WDHD1: variants seen among roughly 807,000 people sequenced by gnomAD.
WDHD1 encodes the protein WD repeat and HMG-box DNA-binding protein 1.
In WDHD1, 111 loss-of-function variants were observed where a neutral mutation model predicts 135.4. The ratio of observed to expected loss-of-function variants is 0.82; its 90% CI spans 0.70 to 0.96. WDHD1 has a LOEUF of 0.96. Ranked by LOEUF, WDHD1 falls within the 40% of genes least tolerant of loss-of-function variation. WDHD1 has a pLI of 0.00. For synonymous variants in WDHD1, 434 were observed against 439.0 expected, an observed-to-expected ratio of 0.99 and a Z score of 0.14; for missense variants, 1,351 against 1,336.3, an observed-to-expected ratio of 1.01 and a Z score of -0.17.
chr14:54,951,316 A>G (rs1329172968), intron 24 of WDHD1, among the ~76,000 whole-genome samples: 1 of 152,092 alleles, frequency 6.6e-6, no homozygotes, highest in Non-Finnish European at 1.5e-5. Flanking sequence ...TAAAGGGGAT[A>G]TCACCACTGA....
chr14:55,014,204 C>G (rs2042223328), intron 2 of WDHD1, among the ~76,000 whole-genome samples: 1 of 152,194 alleles, frequency 6.6e-6, no homozygotes, highest in Non-Finnish European at 1.5e-5. Flanking sequence ...AGTGATCAAA[C>G]CACTTCAGCT....
At chr14:55,021,465 G>A (rs1041393498) in intron 2 of WDHD1, among the ~76,000 whole-genome samples, 4 of 151,564 alleles carry the variant, frequency 2.6e-5, no homozygotes, top group East Asian at 1.9e-4. Context: ...AATGTGCAGC[G>A]GCACAATCTC....
At chr14:54,946,733 T>C (rs1003484904) in intron 24 of WDHD1, among the ~76,000 whole-genome samples, 4 of 152,164 alleles carry the variant, frequency 2.6e-5, no homozygotes, top group Non-Finnish European at 1.5e-5. Context: ...AGCTAACTGA[T>C]CATGTTGGCC....
chr14:55,016,063 T>C (rs1163900507), intron 2 of WDHD1, among the ~76,000 whole-genome samples: 6 of 152,234 alleles, frequency 3.9e-5, no homozygotes, highest in African/African-American at 1.4e-4. Context: ...CAGGTGCCAG[T>C]TGGTGGGACC....
At position 54,966,495 on chromosome 14, in the gene WDHD1, G is replaced by C. The variant is rs1197233485; in HGVS notation, c.2290C>G (p.Leu764Val). 1.2e-6 allele frequency: 2 copies of C among 1,600,558 alleles called. No homozygotes were observed. The highest frequency in any genetic ancestry group is 1.7e-6 in the Non-Finnish European group (2 of 1,177,160). The change falls in exon 18 of 26, where the codon CTT (leucine) becomes GTT (valine). Residue 764 changes from leucine to valine, a missense_variant. By Grantham distance (32) the Leu-to-Val change is conservative. Coordinates refer to ENST00000360586, the MANE Select transcript of WDHD1 (RefSeq NM_007086.4). ...KNQATKEQQE[L>V]LMKMLALSCK... ...CTCACCGCAAGCATTTTCATTAAAA[G>C]TTCCTGTTGCTCTTTTGTTGCTTGA...
chr14:55,024,607 C>A (rs562639741), intron 2 of WDHD1, among the ~76,000 whole-genome samples: 17 of 152,010 alleles, frequency 1.1e-4, no homozygotes, highest in East Asian at 7.8e-4. Flanking sequence ...AAGAAGTAGA[C>A]ATAAGAGACT....
intron 24 of WDHD1, among the ~76,000 whole-genome samples, chr14:54,944,854 C>T (rs994550071): frequency 2.6e-5 from 4 of 152,016 alleles, no homozygotes; most frequent in East Asian, 1.9e-4. Context: ...GTGATCTGCC[C>T]GCCTCGGCTT....
intron 12 of WDHD1, among the ~76,000 whole-genome samples, chr14:54,989,929 G>GTTTCTT: frequency 6.6e-6 from 1 of 152,134 alleles, no homozygotes; most frequent in Non-Finnish European, 1.5e-5. Flanking sequence ...CTCCCAAAGT[G>GTTTCTT]CTGGGATTAT....
chr14:54,999,111 A>G (rs183180465), intron 10 of WDHD1, among the ~76,000 whole-genome samples: 15 of 152,132 alleles, frequency 9.9e-5, no homozygotes, highest in Admixed American at 7.2e-4. Context: ...GATTTTTCCA[A>G]TCTCCTGCCT....
At chr14:54,966,714 T>A (rs1179758560) in intron 17 of WDHD1, 108 bp from the exon 18 acceptor site, 2 of 1,162,682 alleles carry the variant, frequency 1.7e-6, no homozygotes, top group East Asian at 2.8e-5. Context: ...TGTTCTGAAC[T>A]CTTCCTTTCT....
chr14:55,000,606 G>A lies in WDHD1; in HGVS notation c.839C>T (p.Ala280Val). 6.2e-7 allele frequency: 1 copy of A among 1,601,064 alleles called. No homozygotes were observed. Among genetic ancestry groups the A allele is most frequent in the East Asian group, 2.3e-5 (1 of 44,168 alleles). ...TATTCGACCACAAGTAGGATGCCAT[G>A]CCAGACCACAAATTGCATAACCTTT... is the stretch of plus-strand genomic sequence containing the variant. ...HEKGYAICGL[A>V]WHPTCGRISY... The change falls in exon 10 of 26, where the codon GCA becomes GTA. Residue 280 changes from alanine to valine, a missense_variant. Physicochemically the swap from Ala to Val is moderately conservative, Grantham distance 64. Around this residue, in one of 2 missense-constraint regions of WDHD1, gnomAD observed 1,330 missense variants for 1,296.1 expected, o/e 1.03. Transcript: ENST00000360586.
At chr14:54,957,465 C>A in intron 22 of WDHD1, 127 bp downstream of exon 22, 1 of 932,608 alleles carries the variant, frequency 1.1e-6, no homozygotes, top group Non-Finnish European at 1.6e-6. Flanking sequence ...GTGCTGCTTT[C>A]TTCTGTTTCC....
At chr14:54,947,370 T>C (rs929416312) in intron 24 of WDHD1, among the ~76,000 whole-genome samples, 39 of 152,140 alleles carry the variant, frequency 2.6e-4, no homozygotes, top group African/African-American at 9.4e-4. Flanking sequence ...TGAGCCACTA[T>C]GCCCGGCCTA....
chr14:54,993,663 G>C (rs2041828523), intron 11 of WDHD1, among the ~76,000 whole-genome samples: 2 of 152,136 alleles, frequency 1.3e-5, no homozygotes, highest in South Asian at 4.2e-4. Context: ...TATAGCAATA[G>C]ACTTAATCCA....
At chr14:54,981,051 C>T (rs555873719) in intron 16 of WDHD1, among the ~76,000 whole-genome samples, 1 of 151,174 alleles carries the variant, frequency 6.6e-6, no homozygotes, top group South Asian at 2.1e-4. Flanking sequence ...GCGGAGCTTG[C>T]AGTGAGCTGA....
intron 7 of WDHD1, among the ~76,000 whole-genome samples, chr14:55,003,330 T>C (rs1381413651): frequency 4.0e-5 from 6 of 151,802 alleles, no homozygotes; most frequent in African/African-American, 1.2e-4. Context: ...AGCAACATAA[T>C]GAGACCCTGT....
intron 2 of WDHD1, among the ~76,000 whole-genome samples, chr14:55,023,647 CT>C (rs1035621041): frequency 6.6e-6 from 1 of 152,198 alleles, no homozygotes; most frequent in Non-Finnish European, 1.5e-5. Flanking sequence ...CCAGAGATGT[CT>C]TTTTACTGGG....
At chr14:54,961,437 GCT>G (rs914140167) in intron 21 of WDHD1, among the ~76,000 whole-genome samples, 3 of 152,072 alleles carry the variant, frequency 2.0e-5, no homozygotes, top group African/African-American at 7.2e-5. Flanking sequence ...CTTTCTCTTT[GCT>G]CTCTGAGCTT....
chr14:54,963,815 A>G (rs2041296826), intron 18 of WDHD1, among the ~76,000 whole-genome samples: 2 of 151,842 alleles, frequency 1.3e-5, no homozygotes, highest in Admixed American at 1.3e-4. Context: ...AAAAAAAAAA[A>G]AAAAAAATCA....
Sources: gnomAD v4.1 joint callset for allele counts (sites outside exome capture counted in the v4.1 genomes callset) on GRCh38, gnomAD v4.1.1 for gene constraint, gnomAD v4.1.1 regional missense constraint, MANE v1.5 for transcripts, NCBI Gene and HGNC (gene_info 2026-07-23, HGNC 2026-07-21) for gene names.